SLC7A11: variants seen among roughly 807,000 people sequenced by gnomAD.
The protein encoded by SLC7A11 is solute carrier family 7 member 11.
SLC7A11 carries 35 observed loss-of-function variants against 54.5 expected under a neutral mutation model. The observed-to-expected ratio is 0.64, with a 90% CI of 0.49 to 0.85. The LOEUF (loss-of-function observed/expected upper bound fraction) is 0.85, where lower values mean the gene tolerates loss of function less well. SLC7A11 is among the 40% of genes least tolerant of loss of function. The probability of loss-of-function intolerance (pLI) is 0.00; values close to 1 mark genes in which losing one functional copy is unlikely to be tolerated. For missense variants in SLC7A11, 583 were observed against 618.1 expected (o/e 0.94, Z 0.60); for synonymous variants, 230 against 225.2 (o/e 1.02, Z -0.19).
chr4:138,219,026 T>C (rs1390518259), intron 5 of SLC7A11, among the ~76,000 whole-genome samples: 3 of 152,172 alleles, frequency 2.0e-5, no homozygotes, highest in African/African-American at 4.8e-5. Context: ...TGTTTGTTTT[T>C]TATGACATCA....
chr4:138,208,160 G>A (rs1560730059), intron 6 of SLC7A11, among the ~76,000 whole-genome samples: 1 of 152,088 alleles, frequency 6.6e-6, no homozygotes, highest in Non-Finnish European at 1.5e-5. Context: ...AGTAGGCAAA[G>A]TATTAATTAA....
chr4:138,190,407 A>C (rs921080874), intron 6 of SLC7A11, among the ~76,000 whole-genome samples: 4 of 152,134 alleles, frequency 2.6e-5, no homozygotes, highest in Non-Finnish European at 5.9e-5. Context: ...AATTATATTA[A>C]GTACCTTTTG....
chr4:138,194,966 C>T (rs1737097399), intron 6 of SLC7A11, among the ~76,000 whole-genome samples: 1 of 152,192 alleles, frequency 6.6e-6, no homozygotes, highest in Non-Finnish European at 1.5e-5. Flanking sequence ...AAGGAAGTTT[C>T]TGCATTTATT....
Position 138,185,234 on chromosome 4 carries a change from G to A in SLC7A11, c.802C>T (p.Leu268Phe). Residue 268 changes from leucine to phenylalanine, a missense_variant, in exon 7 of 12, where the codon CTT (leucine) becomes TTT (phenylalanine). By Grantham distance (22) the Leu-to-Phe change is conservative. Coordinates refer to ENST00000280612, the MANE Select transcript of SLC7A11 (RefSeq NM_014331.4). ...EVENPEKTIP[L>F]AICISMAIVT... is the part of the protein sequence containing the mutation. ...ATGGCCATGGATATACATATTGCAA[G>A]GGGAATGGTTCTGAAATGCACAAAG... The A allele has an allele frequency of 6.2e-7, 1 of 1,612,672 alleles. No individual in the cohort carries two copies. Among genetic ancestry groups the A allele is most frequent in the Non-Finnish European group, 8.5e-7 (1 of 1,178,990 alleles).
chr4:138,234,660 C>T lies in SLC7A11; in HGVS notation c.404+1665G>A, dbSNP rs115937681. On this transcript the variant is annotated intron_variant, in intron 2 of 11. Coordinates refer to ENST00000280612, the MANE Select transcript of SLC7A11 (RefSeq NM_014331.4). The stretch of plus-strand genomic sequence containing the variant: ...TTAGATCTCTTTTTATTGCCATTTA[C>T]CATTCAGTAGCAGTTTGTGGAATAA... Among the ~76,000 whole-genome samples, 1,221 of 152,000 alleles carry T rather than the reference C, an allele frequency of 8.0e-3. 17 individuals carry two copies. The highest frequency in any genetic ancestry group is 7.9e-3 in the Non-Finnish European group (538 of 67,990).
chr4:138,175,084 G>A (rs1736536284), intron 11 of SLC7A11, among the ~76,000 whole-genome samples: 1 of 152,148 alleles, frequency 6.6e-6, no homozygotes, highest in Non-Finnish European at 1.5e-5. Flanking sequence ...GGACCCCTAA[G>A]AAATGTAGGC....
In SLC7A11 at chr4:138,168,926, A is replaced by G. The variant is rs1446486063; in HGVS notation, c.*3030T>C. The G allele has an allele frequency of 4.6e-5, 7 of 152,316 alleles. No individual in the cohort carries two copies. The highest frequency in any genetic ancestry group is 1.7e-4 in the African/African-American group (7 of 41,586). 9.4% of individuals were successfully genotyped at this position (152,316 alleles called of 1,614,324 possible). A position where few individuals can be genotyped will look rare whatever the true frequency, so the allele number is the denominator to read the frequency against. Reference sequence around the variant, plus strand: ...AAACAGTATTATAAGGAAAATATTTACTGCAAATATTTATAATTGTGTAAG... The same window carrying G: ...AAACAGTATTATAAGGAAAATATTTGCTGCAAATATTTATAATTGTGTAAG... On this transcript the variant is annotated 3_prime_UTR_variant, in exon 12 of 12. Coordinates refer to ENST00000280612, the MANE Select transcript of SLC7A11 (RefSeq NM_014331.4).
rs1738395101 is a variant in SLC7A11 at position 138,242,032 on chromosome 4, C to T, written c.38G>A (p.Gly13Glu). ...GTTAACATTTCCCTGCAGGTAACCTCCTTTGGAGATGGTGGACACAACAGG... is the reference window on the plus strand; with the variant it reads ...GTTAACATTTCCCTGCAGGTAACCTTCTTTGGAGATGGTGGACACAACAGG... ...RKPVVSTISK[G>E]GYLQGNVNGR... The change falls in exon 1 of 12, where the codon GGA (glycine) becomes GAA (glutamate). Residue 13 changes from glycine to glutamate, a missense_variant. Gly to Glu is a moderately conservative substitution (Grantham distance 98, BLOSUM62 -2). Coordinates refer to ENST00000280612, the MANE Select transcript of SLC7A11 (RefSeq NM_014331.4). The T allele has an allele frequency of 6.2e-7, 1 of 1,613,976 alleles. No individual in the cohort carries two copies. The highest frequency in any genetic ancestry group is 8.5e-7 in the Non-Finnish European group (1 of 1,179,934).
chr4:138,230,780 A>C (rs1440282526), intron 3 of SLC7A11, among the ~76,000 whole-genome samples: 1 of 152,200 alleles, frequency 6.6e-6, no homozygotes, highest in Non-Finnish European at 1.5e-5. Flanking sequence ...CTAATCCTCC[A>C]AGTTTAACAA....
rs796121717 is a variant in SLC7A11, at chr4:138,183,067, C to T, written c.1019+135G>A. Reference sequence around the variant, plus strand: ...TAAAACGTGCTGTTGATACTTGGACCAATATTTCAATCTTGCATGTCCCTT... The same window carrying T: ...TAAAACGTGCTGTTGATACTTGGACTAATATTTCAATCTTGCATGTCCCTT... On this transcript the variant is annotated intron_variant, in intron 8 of 11. Coordinates refer to ENST00000280612, the MANE Select transcript of SLC7A11 (RefSeq NM_014331.4). 13 of 642,394 alleles carry T rather than the reference C, an allele frequency of 2.0e-5. No individual in the cohort carries two copies. In the African/African-American group the frequency reaches 2.2e-4, roughly 11 times the overall value. 39.8% of individuals were successfully genotyped at this position (642,394 alleles called of 1,614,324 possible).
At chr4:138,180,355 A>G (rs1436667830) in intron 10 of SLC7A11, among the ~76,000 whole-genome samples, 1 of 152,158 alleles carries the variant, frequency 6.6e-6, no homozygotes, top group African/African-American at 2.4e-5. Flanking sequence ...ATATCAGGTC[A>G]TTGAACACAT....
chr4:138,236,961 G>A (rs1294493845), intron 1 of SLC7A11, among the ~76,000 whole-genome samples: 1 of 149,802 alleles, frequency 6.7e-6, no homozygotes, highest in Non-Finnish European at 1.5e-5. Flanking sequence ...GAAAACCATG[G>A]ACTCTCTGAC....
Position 138,180,793 on chromosome 4 carries a change from G to C in SLC7A11, c.1117-3C>G. The stretch of plus-strand genomic sequence containing the variant: ...AGCATTATCATTGTCAAAGGGTGCT[G>C]AGGGGGGAAAGGGAAGCAAGCTTGG... On this transcript the variant is annotated splice_polypyrimidine_tract_variant and splice_region_variant and intron_variant, in intron 9 of 11. Coordinates refer to ENST00000280612, the MANE Select transcript of SLC7A11 (RefSeq NM_014331.4). The C allele has an allele frequency of 6.2e-7, 1 of 1,610,174 alleles. No individual in the cohort carries two copies. The highest frequency in any genetic ancestry group is 8.5e-7 in the Non-Finnish European group (1 of 1,178,202).
At chr4:138,222,002 TA>T (rs1397266512) in intron 4 of SLC7A11, among the ~76,000 whole-genome samples, 1 of 152,314 alleles carries the variant, frequency 6.6e-6, no homozygotes, top group East Asian at 1.9e-4. Context: ...TCCTAACGAA[TA>T]AGATAGAAAT....
chr4:138,225,138 CTA>C (rs36216785), intron 3 of SLC7A11, among the ~76,000 whole-genome samples: 25,619 of 117,710 alleles, frequency 0.22, 2,548 homozygotes, highest in East Asian at 0.3. Context: ...AATAATTTCA[CTA>C]TATATATATA....
chr4:138,200,246 G>T (rs1737245442), intron 6 of SLC7A11, among the ~76,000 whole-genome samples: 1 of 152,078 alleles, frequency 6.6e-6, no homozygotes. Flanking sequence ...TATCTGTAAA[G>T]ATGTTAAAGA....
In SLC7A11 at chr4:138,180,479, TTAAAA is replaced by T. The variant is rs528010096; in HGVS notation, c.1266+157_1266+161del. Among the ~76,000 whole-genome samples, 33 of 152,158 alleles carry T rather than the reference TTAAAA, an allele frequency of 2.2e-4. No individual in the cohort carries two copies. In the South Asian group the frequency reaches 4.6e-3, roughly 21 times the overall value. On this transcript the variant is annotated intron_variant, in intron 10 of 11. Coordinates refer to ENST00000280612, the MANE Select transcript of SLC7A11 (RefSeq NM_014331.4). ...TTGGATCCACTGTTTTTTTTCCAAC[TTAAAA>T]TAAATCCAACAGGAAAGCACTGCCT...
intron 3 of SLC7A11, 87 bp from the exon 4 acceptor site, chr4:138,223,411 T>C: frequency 7.1e-7 from 1 of 1,417,546 alleles, no homozygotes; most frequent in South Asian, 1.2e-5. Context: ...GGGCAATCTG[T>C]GAGGCAGCAG....
rs921088676 is a variant in SLC7A11, at chr4:138,170,745, A to G, written c.*1211T>C. Reference sequence around the variant, plus strand: ...GAATGATAATTAAGGTGTGGAAATTACTGACAAAGCCTAGATATAGAAGTG... The same window carrying G: ...GAATGATAATTAAGGTGTGGAAATTGCTGACAAAGCCTAGATATAGAAGTG... On this transcript the variant is annotated 3_prime_UTR_variant, in exon 12 of 12. Transcript: ENST00000280612. 1.3e-5 allele frequency: 2 copies of G among 152,298 alleles called. No homozygotes were observed. Among genetic ancestry groups the G allele is most frequent in the Non-Finnish European group, 2.9e-5 (2 of 68,014 alleles). 9.4% of individuals were successfully genotyped at this position (152,298 alleles called of 1,614,324 possible).
Sources: gnomAD v4.1 joint callset for allele counts (sites outside exome capture counted in the v4.1 genomes callset) on GRCh38, gnomAD v4.1.1 for gene constraint, MANE v1.5 for transcripts, NCBI Gene and HGNC (gene_info 2026-07-23, HGNC 2026-07-21) for gene names.